Variants in NIPBL observed in about 807,000 individuals in gnomAD.
NIPBL encodes NIPBL cohesin loading factor, also known as nipped-B-like protein.
NIPBL carries 19 observed loss-of-function variants against 321.8 expected under a neutral mutation model. The observed-to-expected ratio is 0.06, with a 90% CI of 0.04 to 0.09. The LOEUF is 0.09. NIPBL is among the 10% of genes least tolerant of loss of function. The probability of loss-of-function intolerance (pLI) is 1.00; values close to 1 mark genes in which losing one functional copy is unlikely to be tolerated. For synonymous variants in NIPBL, 1,106 were observed against 1,114.1 expected, an observed-to-expected ratio of 0.99 and a Z score of 0.14; for missense variants, 2,210 against 3,327.0, an observed-to-expected ratio of 0.66 and a Z score of 8.26.
In NIPBL at chr5:37,017,022, C is replaced by T; in HGVS notation, c.4780C>T (p.His1594Tyr). 1 of 1,599,272 alleles carries T rather than the reference C, an allele frequency of 6.3e-7. No homozygotes were observed. Among genetic ancestry groups the T allele is most frequent in the South Asian group, 1.1e-5 (1 of 89,064 alleles). Residue 1594 changes from histidine (H) to tyrosine (Y), a missense_variant, in exon 24 of 47, where the codon CAT (histidine) becomes TAT (tyrosine). Physicochemically the swap from His to Tyr is moderately conservative, Grantham distance 83. Around this residue, in one of 14 missense-constraint regions of NIPBL, gnomAD observed 28 missense variants for 91.3 expected, o/e 0.31. Coordinates refer to ENST00000282516, the MANE Select transcript of NIPBL (RefSeq NM_133433.4). ...CAAAAACTATTTTGATATTTAGGTT[C>T]ATCAGTTCAGTAACAAGTCAACAGA... Reference protein sequence around the residue: ...LLSLLGRLLVHQFSNKSTEMA... With the variant: ...LLSLLGRLLVYQFSNKSTEMA...
At chr5:36,918,580 AGAG>A (rs1748667351) in intron 1 of NIPBL, among the ~76,000 whole-genome samples, 1 of 152,134 alleles carries the variant, frequency 6.6e-6, no homozygotes, top group Admixed American at 6.6e-5. Flanking sequence ...GAGTGGTGAG[AGAG>A]GGCGTCCCTG....
At chr5:37,042,579 G>A (rs1752524673) in intron 34 of NIPBL, among the ~76,000 whole-genome samples, 6 of 151,376 alleles carry the variant, frequency 4.0e-5, no homozygotes. Flanking sequence ...ATCACAAAGT[G>A]TGGAGTTTAA....
intron 1 of NIPBL, among the ~76,000 whole-genome samples, chr5:36,887,857 C>T (rs1746033723): frequency 6.6e-6 from 1 of 152,174 alleles, no homozygotes; most frequent in South Asian, 2.1e-4. Flanking sequence ...GAACTCATCC[C>T]TTAATTCTTC....
At chr5:37,033,989 C>T (rs1751415425) in intron 32 of NIPBL, among the ~76,000 whole-genome samples, 1 of 151,668 alleles carries the variant, frequency 6.6e-6, no homozygotes, top group Non-Finnish European at 1.5e-5. Context: ...ATATTTGGCA[C>T]ATATATAACC....
chr5:36,894,402 G>A (rs1746572945), intron 1 of NIPBL, among the ~76,000 whole-genome samples: 1 of 151,942 alleles, frequency 6.6e-6, no homozygotes, highest in Non-Finnish European at 1.5e-5. Flanking sequence ...TTAATTATGT[G>A]TCCAAAGGTA....
intron 11 of NIPBL, 98 bp from the exon 12 acceptor site, chr5:37,000,275 A>C: frequency 2.6e-6 from 3 of 1,142,800 alleles, no homozygotes; most frequent in Non-Finnish European, 3.8e-6. Flanking sequence ...ACCCTATGGA[A>C]TGAAGATTTT....
rs530963559 is a variant in NIPBL at position 37,065,926 on chromosome 5, G to A, written c.*1034G>A. 2 of 152,482 alleles carry A rather than the reference G, an allele frequency of 1.3e-5. No homozygotes were observed. The highest frequency in any genetic ancestry group is 2.9e-5 in the Non-Finnish European group (2 of 67,976). The allele number at this position is 152,482 out of a possible 1,614,324, so 9.4% of individuals were successfully genotyped here. ...TATTTGGAAAACCAGCATTTCTCTT[G>A]GTTAAAATGATGTCCGGTTATTTTA... On this transcript the variant is annotated 3_prime_UTR_variant, in exon 47 of 47. Transcript: ENST00000282516.
chr5:36,981,256 C>A (rs1162215522), intron 9 of NIPBL, among the ~76,000 whole-genome samples: 1 of 151,474 alleles, frequency 6.6e-6, no homozygotes, highest in African/African-American at 2.4e-5. Flanking sequence ...CACTCAATAA[C>A]CAGAAATCAA....
At chr5:36,885,141 T>TA in intron 1 of NIPBL, 2 of 444,542 alleles carry the variant, frequency 4.5e-6, no homozygotes, top group Admixed American at 2.6e-5. Context: ...TTACAGCACA[T>TA]AAAAAATGCT....
chr5:36,978,919 G>C (rs773858126), intron 9 of NIPBL, among the ~76,000 whole-genome samples: 44 of 151,586 alleles, frequency 2.9e-4, no homozygotes, highest in Non-Finnish European at 5.6e-4. Flanking sequence ...TTTATTTCTG[G>C]GTTCTCTATC....
intron 1 of NIPBL, chr5:36,885,129 C>A: frequency 2.4e-6 from 1 of 410,060 alleles, no homozygotes; most frequent in South Asian, 2.1e-5. Flanking sequence ...ATGAGAAATA[C>A]GTTACAGCAC....
Position 37,036,343 on chromosome 5 carries a change from ATATGTATATATATATATATATATATG to A in NIPBL, c.5863-32_5863-7del, listed in dbSNP as rs1156822422. 5 of 457,494 alleles carry A rather than the reference ATATGTATATATATATATATATATATG, an allele frequency of 1.1e-5. No individual in the cohort carries two copies. Among genetic ancestry groups the A allele is most frequent in the African/African-American group, 8.5e-5 (2 of 23,606 alleles). The allele number at this position is 457,494 out of a possible 1,614,324, so 28.3% of individuals were successfully genotyped here. On this transcript the variant is annotated splice_polypyrimidine_tract_variant and intron_variant, in intron 32 of 46. Transcript: ENST00000282516. Reference sequence around the variant, plus strand: ...ATTTTTTTTTCTTTTTTGTATATATATATGTATATATATATATATATATATGTATATATAGTTGTTGAAGTCCGAAG... The same window carrying A: ...ATTTTTTTTTCTTTTTTGTATATATATATATATAGTTGTTGAAGTCCGAAG...
intron 1 of NIPBL, among the ~76,000 whole-genome samples, chr5:36,906,258 AT>A (rs1378054404): frequency 6.6e-6 from 1 of 152,200 alleles, no homozygotes; most frequent in Admixed American, 6.5e-5. Context: ...CATGTAATGA[AT>A]ATACATAAGA....
At chr5:36,895,151 C>A (rs1746639367) in intron 1 of NIPBL, among the ~76,000 whole-genome samples, 1 of 152,168 alleles carries the variant, frequency 6.6e-6, no homozygotes, top group Non-Finnish European at 1.5e-5. Flanking sequence ...AGTGGTCACA[C>A]CCTGTTGTCT....
At chr5:37,022,505 G>A in intron 29 of NIPBL, 115 bp downstream of exon 29, 2 of 948,872 alleles carry the variant, frequency 2.1e-6, no homozygotes, top group South Asian at 3.8e-5. Flanking sequence ...TATTTATATT[G>A]TCAAATTTAT....
chr5:36,904,658 C>T (rs1747492191), intron 1 of NIPBL, among the ~76,000 whole-genome samples: 1 of 152,164 alleles, frequency 6.6e-6, no homozygotes, highest in Non-Finnish European at 1.5e-5. Context: ...TCAGTTGAAG[C>T]TGCAGTCATC....
At position 37,008,039 on chromosome 5, in the gene NIPBL, T is replaced by C; in HGVS notation, c.4271T>C (p.Val1424Ala). 1.2e-6 allele frequency: 2 copies of C among 1,611,104 alleles called. No homozygotes were observed. The highest frequency in any genetic ancestry group is 1.7e-6 in the Non-Finnish European group (2 of 1,177,506). The change falls in exon 19 of 47, where the codon GTG becomes GCG. Residue 1424 changes from valine to alanine, a missense_variant. Physicochemically the swap from Val to Ala is moderately conservative, Grantham distance 64. Coordinates refer to ENST00000282516, the MANE Select transcript of NIPBL (RefSeq NM_133433.4). ...VSSMGITPFF[V>A]ENVSELQLCA... ...TCTATGGGAATAACACCATTTTTTGTGGAAAATGTCAGTGAACTACAGTTG... is the reference window on the plus strand; with the variant it reads ...TCTATGGGAATAACACCATTTTTTGCGGAAAATGTCAGTGAACTACAGTTG...
chr5:36,982,546 A>G (rs192668), intron 9 of NIPBL, among the ~76,000 whole-genome samples: 4,960 of 151,920 alleles, frequency 0.033, 261 homozygotes, highest in African/African-American at 0.11. Context: ...CTGAAAAACA[A>G]TGGTAAGATG....
In NIPBL at chr5:37,059,033, A is replaced by G. The variant is rs756187678; in HGVS notation, c.7553A>G (p.Asp2518Gly). The G allele has an allele frequency of 6.2e-7, 1 of 1,614,234 alleles. No individual in the cohort carries two copies. The highest frequency in any genetic ancestry group is 8.5e-7 in the Non-Finnish European group (1 of 1,180,036). The change falls in exon 44 of 47, where the codon GAT (aspartate) becomes GGT (glycine). Residue 2518 changes from aspartate to glycine, a missense_variant. This residue lies in a region of NIPBL where 79 missense variants were observed against 90.8 expected (regional missense o/e 0.87). Transcript: ENST00000282516. ...DSDSDSDSEDDINSVMKCLPE... is the reference protein window; with the variant it reads ...DSDSDSDSEDGINSVMKCLPE... ...GATTCAGATTCAGATTCAGAAGACG[A>G]TATAAATTCAGTGATGAAATGTTTG...
Sources: allele counts gnomAD v4.1 joint callset (sites outside exome capture counted in the v4.1 genomes callset), GRCh38; gene constraint gnomAD v4.1.1; regional missense constraint gnomAD v4.1.1; transcripts MANE v1.5; gene names NCBI Gene and HGNC (gene_info 2026-07-23, HGNC 2026-07-21).